The following RASGRF1 variants were observed in gnomAD, a reference collection of about 807,000 sequenced individuals.
The protein encoded by RASGRF1 is Ras protein specific guanine nucleotide releasing factor 1.
RASGRF1 carries 40 observed loss-of-function variants against 138.7 expected under a neutral mutation model. That is an observed-to-expected ratio of 0.29 (90% CI 0.22 to 0.38). The LOEUF (loss-of-function observed/expected upper bound fraction) is 0.38, where lower values mean the gene tolerates loss of function less well. RASGRF1 is among the 10% of genes least tolerant of loss of function. The pLI, the probability that RASGRF1 is intolerant of heterozygous loss-of-function variation, is 1.00. For synonymous variants in RASGRF1, 614 were observed against 663.2 expected (o/e 0.93, Z 1.14); for missense variants, 1,108 against 1,650.4 (o/e 0.67, Z 5.69).
chr15:79,064,449 G>T lies in RASGRF1; in HGVS notation c.354C>A (p.Asp118Glu). The change falls in exon 2 of 27, where the codon GAC becomes GAA. Residue 118 changes from aspartate (D) to glutamate (E), a missense_variant. By Grantham distance (45) the Asp-to-Glu change is conservative. Around this residue, in one of 3 missense-constraint regions of RASGRF1, gnomAD observed 253 missense variants for 329.5 expected, o/e 0.77. Coordinates refer to ENST00000558480, the MANE Select transcript of RASGRF1 (RefSeq NM_001145648.3). ...CATGTGCAATGGCTGCCACCCATTC[G>T]TCACAATCTTTTGCGTCCTCTGTCC... ...ELRTEDAKDCDEWVAAIAHAS... is the reference protein window; with the variant it reads ...ELRTEDAKDCEEWVAAIAHAS... The T allele has an allele frequency of 6.2e-7, 1 of 1,614,168 alleles. No homozygotes were observed.
chr15:78,998,188 C>T lies in RASGRF1; in HGVS notation c.2874G>A (p.Glu958=). Residue 958 remains glutamate, a synonymous_variant, in exon 19 of 27, where the codon GAG becomes GAA. Transcript: ENST00000558480. ...GGAAGCCGATCACCTTGCATTTGAG[C>T]TCATCGTTGGTCTCAAAGTCCTGCC... The part of the protein sequence containing the change: ...KHSQDFETND[E]LKCKVIGFLE... 1 of 1,614,198 alleles carries T rather than the reference C, an allele frequency of 6.2e-7. No individual in the cohort carries two copies. Among genetic ancestry groups the T allele is most frequent in the Non-Finnish European group, 8.5e-7 (1 of 1,180,012 alleles).
chr15:79,063,914 G>A (rs2057641694), intron 2 of RASGRF1, among the ~76,000 whole-genome samples: 1 of 152,138 alleles, frequency 6.6e-6, no homozygotes, highest in Non-Finnish European at 1.5e-5. Flanking sequence ...CCTGGCCCAG[G>A]GAGTCTCCCT....
intron 9 of RASGRF1, 65 bp from the exon 10 acceptor site, chr15:79,025,539 T>C: frequency 6.5e-7 from 1 of 1,533,042 alleles, no homozygotes; most frequent in Non-Finnish European, 8.8e-7. Context: ...TGACCCAGCC[T>C]TGAAGGTTGA....
intron 24 of RASGRF1, among the ~76,000 whole-genome samples, chr15:78,974,792 A>T (rs28774671): frequency 0.28 from 42,648 of 152,168 alleles, 6,353 homozygotes; most frequent in African/African-American, 0.38. Context: ...CAGAATTCAA[A>T]AACATTATTT....
chr15:79,057,458 C>A (rs946057744), intron 3 of RASGRF1, among the ~76,000 whole-genome samples: 4 of 152,346 alleles, frequency 2.6e-5, no homozygotes, highest in Middle Eastern at 6.8e-3. Context: ...AAATTAGATA[C>A]CCAGCTGACT....
At position 79,077,763 on chromosome 15, in the gene RASGRF1, T is replaced by A. The variant is rs76552662; in HGVS notation, c.276+12460A>T. ...GTGCCTTCCCCCATCCTCACTGCCATGCCTGCTTCAGGGATTCTTCATTAC... is the reference window on the plus strand; with the variant it reads ...GTGCCTTCCCCCATCCTCACTGCCAAGCCTGCTTCAGGGATTCTTCATTAC... On this transcript the variant is annotated intron_variant, in intron 1 of 26. Coordinates refer to ENST00000558480, the MANE Select transcript of RASGRF1 (RefSeq NM_001145648.3). Among the ~76,000 whole-genome samples, 1,228 of 152,276 alleles carry A rather than the reference T, an allele frequency of 8.1e-3. 14 individuals carry two copies. The highest frequency in any genetic ancestry group is 0.025 in the African/African-American group (1,059 of 41,540).
intron 23 of RASGRF1, among the ~76,000 whole-genome samples, chr15:78,982,730 A>G (rs921781712): frequency 1.3e-5 from 2 of 152,092 alleles, no homozygotes; most frequent in East Asian, 3.9e-4. Context: ...GCTGGACAAG[A>G]ATGTTCCCTC....
chr15:78,987,344 A>C (rs972532209), intron 22 of RASGRF1, among the ~76,000 whole-genome samples: 1 of 145,542 alleles, frequency 6.9e-6, no homozygotes, highest in Non-Finnish European at 1.5e-5. Context: ...AAAAAAAAAA[A>C]CCTGGTAAAG....
chr15:78,995,618 G>A, intron 20 of RASGRF1, 122 bp downstream of exon 20: 1 of 1,202,298 alleles, frequency 8.3e-7, no homozygotes, highest in Non-Finnish European at 1.2e-6. Context: ...CGCCCAGTTT[G>A]TGGTATTTTT....
rs531385394 is a variant in RASGRF1 at position 78,961,829 on chromosome 15, T to C, written c.*315A>G. 1.2e-4 allele frequency: 27 copies of C among 221,830 alleles called. No individual in the cohort carries two copies. Among genetic ancestry groups the C allele is most frequent in the Non-Finnish European group, 2.0e-4 (23 of 113,028 alleles). 13.7% of individuals were successfully genotyped at this position (221,830 alleles called of 1,614,324 possible). Reference sequence around the variant, plus strand: ...GGCTGGGGAGGGACGGAAGCAGGACTGGAGTCTAAGATTCTTGTATGCAAG... The same window carrying C: ...GGCTGGGGAGGGACGGAAGCAGGACCGGAGTCTAAGATTCTTGTATGCAAG... On this transcript the variant is annotated 3_prime_UTR_variant, in exon 27 of 27. Coordinates refer to ENST00000558480, the MANE Select transcript of RASGRF1 (RefSeq NM_001145648.3).
intron 3 of RASGRF1, among the ~76,000 whole-genome samples, chr15:79,052,210 GGGC>G (rs2057442784): frequency 6.6e-6 from 1 of 152,034 alleles, no homozygotes; most frequent in African/African-American, 2.4e-5. Flanking sequence ...CACCTGCTTT[GGGC>G]ACGGTGCAAT....
chr15:78,978,671 C>T, intron 24 of RASGRF1: 1 of 1,019,520 alleles, frequency 9.8e-7, no homozygotes, highest in Non-Finnish European at 1.2e-6. Context: ...GCTACTCTTG[C>T]CCCCGTCCCC....
chr15:78,992,139 G>A (rs1399393304), intron 20 of RASGRF1, among the ~76,000 whole-genome samples: 4 of 152,254 alleles, frequency 2.6e-5, no homozygotes, highest in African/African-American at 7.2e-5. Flanking sequence ...GAAGTGGGCT[G>A]ACTAGGACTG....
At chr15:79,033,145 T>C (rs1255270171) in intron 6 of RASGRF1, among the ~76,000 whole-genome samples, 1 of 152,220 alleles carries the variant, frequency 6.6e-6, no homozygotes, top group Non-Finnish European at 1.5e-5. Flanking sequence ...GTATATACTT[T>C]GCCTTTCCAG....
intron 4 of RASGRF1, 107 bp downstream of exon 4, chr15:79,049,389 G>A (rs1595938498): frequency 3.0e-6 from 3 of 1,013,518 alleles, no homozygotes; most frequent in African/African-American, 3.2e-5. Context: ...GGGGGATGGG[G>A]GGCACGCTCT....
chr15:78,971,821 G>A (rs2055766581), intron 26 of RASGRF1, 45 bp downstream of exon 26: 1 of 1,506,008 alleles, frequency 6.6e-7, no homozygotes, highest in Non-Finnish European at 9.2e-7. Context: ...CCTAGACAGA[G>A]CCACTGTGAA....
chr15:78,994,966 C>T (rs1240404122), intron 20 of RASGRF1, among the ~76,000 whole-genome samples: 1 of 147,886 alleles, frequency 6.8e-6, no homozygotes, highest in Non-Finnish European at 1.5e-5. Flanking sequence ...CTCACTCTGT[C>T]ACCCAGGCTG....
In RASGRF1 at chr15:79,047,114, G is replaced by A. The variant is rs113770076; in HGVS notation, c.625-115C>T. 4.6e-5 allele frequency: 60 copies of A among 1,308,066 alleles called. 1 individual carries two copies. In the Admixed American group the frequency reaches 7.9e-4, roughly 17 times the overall value. 81.0% of individuals were successfully genotyped at this position (1,308,066 alleles called of 1,614,324 possible). The stretch of plus-strand genomic sequence containing the variant: ...ACCAAGGCTTTGTTATTCCTACGCC[G>A]GGCATGTAGCAAAAAGAGCTCAGAT... On this transcript the variant is annotated intron_variant, in intron 4 of 26. Transcript: ENST00000558480.
At chr15:79,048,384 C>T (rs968002179) in intron 4 of RASGRF1, among the ~76,000 whole-genome samples, 4 of 152,186 alleles carry the variant, frequency 2.6e-5, no homozygotes, top group African/African-American at 9.7e-5. Context: ...AGCATAGCCT[C>T]TGGAGCTTGG....
Sources: allele counts gnomAD v4.1 joint callset (sites outside exome capture counted in the v4.1 genomes callset), GRCh38; gene constraint gnomAD v4.1.1; regional missense constraint gnomAD v4.1.1; transcripts MANE v1.5; gene names NCBI Gene and HGNC (gene_info 2026-07-23, HGNC 2026-07-21).